The following CNTNAP5 variants were observed in gnomAD, a reference collection of about 807,000 sequenced individuals.
CNTNAP5 encodes the protein contactin-associated protein-like 5.
In CNTNAP5, 72 loss-of-function variants were observed where a neutral mutation model predicts 150.2. That is an observed-to-expected ratio of 0.48 (90% CI 0.40 to 0.58). CNTNAP5 has a LOEUF of 0.58. Ranked by LOEUF, CNTNAP5 falls within the 20% of genes least tolerant of loss-of-function variation. The probability of loss-of-function intolerance (pLI) is 0.00; values close to 1 mark genes in which losing one functional copy is unlikely to be tolerated. For missense variants in CNTNAP5, 1,636 were observed against 1,626.2 expected (o/e 1.01, Z -0.10); for synonymous variants, 672 against 619.8 (o/e 1.08, Z -1.25).
At chr2:124,632,926 C>T (rs1423414038) in intron 12 of CNTNAP5, among the ~76,000 whole-genome samples, 1 of 151,950 alleles carries the variant, frequency 6.6e-6, no homozygotes, top group Non-Finnish European at 1.5e-5. Context: ...CAGGGAAGTG[C>T]TATACACTTT....
chr2:124,583,140 A>C (rs1486819279), intron 11 of CNTNAP5, among the ~76,000 whole-genome samples: 1 of 148,136 alleles, frequency 6.8e-6, no homozygotes, highest in Non-Finnish European at 1.5e-5. Context: ...CTGCTTCTGT[A>C]CATTTCACAC....
intron 13 of CNTNAP5, among the ~76,000 whole-genome samples, chr2:124,729,882 A>G (rs1325113590): frequency 6.6e-6 from 1 of 152,098 alleles, no homozygotes; most frequent in African/African-American, 2.4e-5. Context: ...ATTTGATTCT[A>G]GACTTCTAAG....
At chr2:124,542,756 C>T (rs1415433808) in intron 10 of CNTNAP5, among the ~76,000 whole-genome samples, 1 of 152,132 alleles carries the variant, frequency 6.6e-6, no homozygotes, top group Non-Finnish European at 1.5e-5. Flanking sequence ...CTTGCCCATC[C>T]AAAGTTCATC....
chr2:124,239,166 C>A (rs548798228), intron 2 of CNTNAP5, among the ~76,000 whole-genome samples: 143 of 151,420 alleles, frequency 9.4e-4, no homozygotes, highest in Non-Finnish European at 1.8e-3. Flanking sequence ...TTTGCAGAAA[C>A]TTTAATGCTA....
intron 1 of CNTNAP5, among the ~76,000 whole-genome samples, chr2:124,081,462 G>C (rs995911557): frequency 8.5e-5 from 13 of 152,230 alleles, no homozygotes; most frequent in Admixed American, 2.6e-4. Flanking sequence ...TCTCTGCTTT[G>C]TCTAAGTAGC....
In CNTNAP5 at chr2:124,390,167, C is replaced by T. The variant is rs140829482; in HGVS notation, c.382-27276C>T. Among the ~76,000 whole-genome samples the T allele has an allele frequency of 2.3e-3, 353 of 152,222 alleles. 1 individual carries two copies. Among genetic ancestry groups the T allele is most frequent in the African/African-American group, 8.2e-3 (341 of 41,532 alleles). On this transcript the variant is annotated intron_variant, in intron 3 of 23. Coordinates refer to ENST00000682447, the MANE Select transcript of CNTNAP5 (RefSeq NM_001367498.1). ...CCATTGATGATCAAAGGGCTAGACC[C>T]TCTCCCTGGCTCTAGATAATCCAAC... is the stretch of plus-strand genomic sequence containing the variant.
intron 13 of CNTNAP5, among the ~76,000 whole-genome samples, chr2:124,746,437 G>A (rs191209742): frequency 4.9e-4 from 75 of 152,280 alleles, no homozygotes; most frequent in African/African-American, 1.6e-3. Flanking sequence ...CCACCTTTAT[G>A]TGGGTTAAAT....
intron 13 of CNTNAP5, among the ~76,000 whole-genome samples, chr2:124,720,760 T>C (rs1379009154): frequency 1.3e-5 from 2 of 152,190 alleles, no homozygotes; most frequent in African/African-American, 4.8e-5. Context: ...AGTTGTACTT[T>C]TGAAAATTTA....
intron 1 of CNTNAP5, among the ~76,000 whole-genome samples, chr2:124,032,212 G>A (rs1417580202): frequency 2.6e-5 from 4 of 152,138 alleles, no homozygotes; most frequent in Non-Finnish European, 5.9e-5. Flanking sequence ...GGGCATCAAA[G>A]TATGCTCTTT....
intron 21 of CNTNAP5, among the ~76,000 whole-genome samples, chr2:124,900,091 G>A (rs1230290269): frequency 6.6e-6 from 1 of 150,966 alleles, no homozygotes; most frequent in African/African-American, 2.5e-5. Context: ...GTACATCTTT[G>A]AACTTCTTCG....
chr2:124,802,484 A>G (rs954038080), intron 19 of CNTNAP5, among the ~76,000 whole-genome samples: 1 of 152,220 alleles, frequency 6.6e-6, no homozygotes, highest in Non-Finnish European at 1.5e-5. Context: ...CAGAGGCAGA[A>G]AGAGAGACAT....
intron 21 of CNTNAP5, among the ~76,000 whole-genome samples, chr2:124,878,757 A>G (rs999179788): frequency 6.6e-6 from 1 of 150,654 alleles, no homozygotes; most frequent in Non-Finnish European, 1.5e-5. Context: ...ATCTCCACTC[A>G]CTGCAACCTC....
chr2:124,569,697 C>G lies in CNTNAP5; in HGVS notation c.1756+6374C>G, dbSNP rs1427080234. On this transcript the variant is annotated intron_variant, in intron 11 of 23. Coordinates refer to ENST00000682447, the MANE Select transcript of CNTNAP5 (RefSeq NM_001367498.1). ...TTCAACAGTGTAGGCTCTCTGACAT[C>G]CTAACAATGCCCTTTAGCTCATTTT... is the stretch of plus-strand genomic sequence containing the variant. 2.0e-5 allele frequency among the ~76,000 whole-genome samples: 3 copies of G among 152,280 alleles called. No homozygotes were observed. The East Asian group carries it at 5.8e-4, about 29-fold the overall frequency.
At chr2:124,597,628 T>C (rs1696860425) in intron 11 of CNTNAP5, among the ~76,000 whole-genome samples, 1 of 149,774 alleles carries the variant, frequency 6.7e-6, no homozygotes, top group Non-Finnish European at 1.5e-5. Flanking sequence ...TGTCTTGGAG[T>C]TGCTCTTCTC....
chr2:124,571,879 G>GA (rs35391360), intron 11 of CNTNAP5, among the ~76,000 whole-genome samples: 2 of 151,484 alleles, frequency 1.3e-5, no homozygotes, highest in African/African-American at 2.4e-5. Flanking sequence ...GGAGAAGATG[G>GA]AAAAAAAGCA....
chr2:124,701,519 C>T (rs1385170708), intron 13 of CNTNAP5, among the ~76,000 whole-genome samples: 1 of 152,068 alleles, frequency 6.6e-6, no homozygotes, highest in Non-Finnish European at 1.5e-5. Flanking sequence ...GATGGTGATT[C>T]CATTTCTTTT....
chr2:124,599,133 C>A (rs970286809), intron 11 of CNTNAP5, among the ~76,000 whole-genome samples: 2 of 152,132 alleles, frequency 1.3e-5, no homozygotes, highest in African/African-American at 2.4e-5. Flanking sequence ...AGCTGTAGAC[C>A]GGAGCTGTTC....
intron 1 of CNTNAP5, among the ~76,000 whole-genome samples, chr2:124,139,588 G>T (rs913139474): frequency 6.6e-6 from 1 of 152,106 alleles, no homozygotes; most frequent in Non-Finnish European, 1.5e-5. Flanking sequence ...CGTGAGGCAG[G>T]TGCCTGTTTC....
intron 3 of CNTNAP5, among the ~76,000 whole-genome samples, chr2:124,333,128 C>A (rs939307951): frequency 6.6e-6 from 1 of 151,964 alleles, no homozygotes; most frequent in East Asian, 1.9e-4. Context: ...TGGAGCCTGG[C>A]GCTTTGGCTC....
Sources: gnomAD v4.1 joint callset for allele counts (sites outside exome capture counted in the v4.1 genomes callset) on GRCh38, gnomAD v4.1.1 for gene constraint, MANE v1.5 for transcripts, NCBI Gene and HGNC (gene_info 2026-07-23, HGNC 2026-07-21) for gene names.